Variants in CUL5 observed in about 807,000 individuals in gnomAD.
CUL5 encodes the protein cullin-5.
CUL5 carries 26 observed loss-of-function variants against 108.8 expected under a neutral mutation model. The ratio of observed to expected loss-of-function variants is 0.24; its 90% CI spans 0.18 to 0.33. The LOEUF is 0.33. CUL5 is among the 10% of genes least tolerant of loss of function. The pLI is 1.00. For synonymous variants in CUL5, 334 were observed against 298.0 expected, an observed-to-expected ratio of 1.12 and a Z score of -1.25; for missense variants, 524 against 909.2, an observed-to-expected ratio of 0.58 and a Z score of 5.45.
chr11:108,089,509 T>C lies in CUL5; in HGVS notation c.1329T>C (p.Tyr443=), dbSNP rs532293295. The C allele has an allele frequency of 1.9e-6, 3 of 1,553,890 alleles. No individual in the cohort carries two copies. The highest frequency in any genetic ancestry group is 2.3e-5 in the East Asian group (1 of 42,910). The change falls in exon 13 of 19, where the codon TAT becomes TAC. Residue 443 remains tyrosine (Y), a synonymous_variant. Transcript: ENST00000393094. The part of the protein sequence containing the change: ...KLKEVLLVLK[Y]VQNKDVFMRY... ...TCATACAGCTCTTGGTACTTAAGTA[T>C]GTACAGAACAAAGATGTTTTTATGA...
Position 108,057,762 on chromosome 11 carries a change from A to G in CUL5, c.780+2807A>G, listed in dbSNP as rs570670268. 5.3e-5 allele frequency among the ~76,000 whole-genome samples: 8 copies of G among 152,312 alleles called. No homozygotes were observed. The South Asian group carries it at 1.7e-3, about 32-fold the overall frequency. ...ATTAGTGGAAAAACTGGTGAAATGA[A>G]TAAGACCTAGAGTTAAATTGATAGT... On this transcript the variant is annotated intron_variant, in intron 7 of 18. Transcript: ENST00000393094.
intron 1 of CUL5, among the ~76,000 whole-genome samples, chr11:108,015,983 A>G (rs936351969): frequency 2.0e-5 from 3 of 152,114 alleles, no homozygotes; most frequent in African/African-American, 7.2e-5. Flanking sequence ...GTGCAGTGGC[A>G]TGATCATGGC....
intron 2 of CUL5, among the ~76,000 whole-genome samples, chr11:108,044,376 A>G (rs1396510405): frequency 2.0e-5 from 3 of 151,690 alleles, no homozygotes; most frequent in Non-Finnish European, 4.4e-5. Context: ...TTAGCCAGAC[A>G]TGGTGGCACA....
chr11:108,018,733 A>G (rs1565231560), intron 1 of CUL5, among the ~76,000 whole-genome samples: 1 of 152,138 alleles, frequency 6.6e-6, no homozygotes, highest in Middle Eastern at 3.2e-3. Context: ...ACCCGCACAC[A>G]TTTATTTTTA....
intron 1 of CUL5, among the ~76,000 whole-genome samples, chr11:108,026,809 C>T (rs1404244850): frequency 1.3e-5 from 2 of 151,758 alleles, no homozygotes; most frequent in Non-Finnish European, 2.9e-5. Context: ...GCCAATGTGG[C>T]GAAACCCCAT....
At position 108,032,225 on chromosome 11, in the gene CUL5, G is replaced by T. The variant is rs147315856; in HGVS notation, c.25-1577G>T. Among the ~76,000 whole-genome samples the T allele has an allele frequency of 5.9e-3, 896 of 152,230 alleles. 8 individuals carry two copies. Among genetic ancestry groups the T allele is most frequent in the Non-Finnish European group, 9.6e-3 (653 of 68,000 alleles). Reference sequence around the variant, plus strand: ...TTTACTGGCCAAAACAAACCAGATGGTCCTAGTTCAGTGGCTTACTGCTAT... The same window carrying T: ...TTTACTGGCCAAAACAAACCAGATGTTCCTAGTTCAGTGGCTTACTGCTAT... On this transcript the variant is annotated intron_variant, in intron 1 of 18. Transcript: ENST00000393094.
At chr11:108,035,971 C>T (rs1159175278) in intron 2 of CUL5, among the ~76,000 whole-genome samples, 2 of 152,140 alleles carry the variant, frequency 1.3e-5, no homozygotes, top group African/African-American at 4.8e-5. Flanking sequence ...AGGCTCGCAG[C>T]CATATTTCAA....
At chr11:108,090,086 TAATA>T (rs1864314293) in intron 13 of CUL5, among the ~76,000 whole-genome samples, 1 of 151,966 alleles carries the variant, frequency 6.6e-6, no homozygotes, top group African/African-American at 2.4e-5. Flanking sequence ...AAGTGATATC[TAATA>T]AATGTTCTTA....
chr11:108,096,136 A>T lies in CUL5; in HGVS notation c.1905+445A>T, dbSNP rs543569812. Among the ~76,000 whole-genome samples the T allele has an allele frequency of 2.6e-5, 4 of 151,124 alleles. No homozygotes were observed. The South Asian group carries it at 8.4e-4, about 32-fold the overall frequency. ...TTATGCACACACACACACACACGAG[A>T]TATTTATGGAAAAAATAAATTGCAA... On this transcript the variant is annotated intron_variant, in intron 16 of 18. Transcript: ENST00000393094.
At chr11:108,063,636 ATAAT>A (rs1863601740) in intron 7 of CUL5, among the ~76,000 whole-genome samples, 1 of 99,838 alleles carries the variant, frequency 1.0e-5, no homozygotes, top group African/African-American at 3.5e-5. Flanking sequence ...AATTTAATAA[ATAAT>A]AAAATTAATA....
intron 7 of CUL5, among the ~76,000 whole-genome samples, chr11:108,058,263 T>TTTTTG (rs1863446648): frequency 1.4e-5 from 2 of 146,468 alleles, no homozygotes; most frequent in African/African-American, 5.0e-5. Context: ...TTTTTTTTTT[T>TTTTTG]TTTGAAACAT....
At chr11:108,015,183 G>A (rs1261703443) in intron 1 of CUL5, among the ~76,000 whole-genome samples, 2 of 152,222 alleles carry the variant, frequency 1.3e-5, no homozygotes, top group African/African-American at 4.8e-5. Context: ...ACAGGCATGA[G>A]CCATCACAGC....
intron 7 of CUL5, among the ~76,000 whole-genome samples, chr11:108,056,579 T>G (rs570377186): frequency 2.6e-5 from 4 of 152,178 alleles, no homozygotes; most frequent in East Asian, 1.9e-4. Context: ...TATAGTGATA[T>G]AAATTCAGGT....
At chr11:108,078,878 A>C (rs1864002036) in intron 11 of CUL5, among the ~76,000 whole-genome samples, 1 of 152,058 alleles carries the variant, frequency 6.6e-6, no homozygotes, top group African/African-American at 2.4e-5. Context: ...TAGTGTTTTC[A>C]TTTTGTCTTT....
chr11:108,062,285 C>T (rs1863557412), intron 7 of CUL5, among the ~76,000 whole-genome samples: 1 of 151,996 alleles, frequency 6.6e-6, no homozygotes, highest in African/African-American at 2.4e-5. Context: ...GGAATAGAAT[C>T]TCCTGGAAAT....
Position 108,088,562 on chromosome 11 carries a change from C to T in CUL5, c.1214C>T (p.Pro405Leu). 6.2e-7 allele frequency: 1 copy of T among 1,611,172 alleles called. No individual in the cohort carries two copies. The highest frequency in any genetic ancestry group is 8.5e-7 in the Non-Finnish European group (1 of 1,178,732). The change falls in exon 12 of 19, where the codon CCT (proline) becomes CTT (leucine). Residue 405 changes from proline (P) to leucine (L), a missense_variant. Pro to Leu is a moderately conservative substitution (Grantham distance 98). Coordinates refer to ENST00000393094, the MANE Select transcript of CUL5 (RefSeq NM_003478.6). Reference protein sequence around the residue: ...GLKTQPESKCPELLANYCDML... With the variant: ...GLKTQPESKCLELLANYCDML... ...AAAACTCAGCCTGAATCAAAATGCC[C>T]TGAGCTGCTTGCCAATTACTGTGAC... is the stretch of plus-strand genomic sequence containing the variant.
intron 7 of CUL5, among the ~76,000 whole-genome samples, chr11:108,061,394 AGGTAAAATAATT>A (rs1351105778): frequency 6.6e-6 from 1 of 152,190 alleles, no homozygotes. Context: ...CTTTTTGCCT[AGGTAAAATAATT>A]TTCTGGAGGA....
Position 108,054,964 on chromosome 11 carries a change from T to G in CUL5, c.780+9T>G. On this transcript the variant is annotated intron_variant, in intron 7 of 18. Coordinates refer to ENST00000393094, the MANE Select transcript of CUL5 (RefSeq NM_003478.6). ...GTAACTCCGTTGAAGCAGTAAGTAATTTTGTAATTGTACATTTTATGGGAT... is the reference window on the plus strand; with the variant it reads ...GTAACTCCGTTGAAGCAGTAAGTAAGTTTGTAATTGTACATTTTATGGGAT... 1 of 1,566,548 alleles carries G rather than the reference T, an allele frequency of 6.4e-7. No individual in the cohort carries two copies. The highest frequency in any genetic ancestry group is 8.7e-7 in the Non-Finnish European group (1 of 1,148,740).
intron 17 of CUL5, 150 bp downstream of exon 17, chr11:108,097,904 A>T: frequency 1.8e-6 from 1 of 545,710 alleles, no homozygotes; most frequent in South Asian, 2.9e-5. Flanking sequence ...TTTATGGAAA[A>T]TATTAATCAG....
Sources: allele counts gnomAD v4.1 joint callset (sites outside exome capture counted in the v4.1 genomes callset), GRCh38; gene constraint gnomAD v4.1.1; transcripts MANE v1.5; gene names NCBI Gene and HGNC (gene_info 2026-07-23, HGNC 2026-07-21).